NPFFR1: variants seen among roughly 807,000 people sequenced by gnomAD.
NPFFR1 encodes G-protein coupled receptor 147.
A neutral mutation model predicts 12.7 loss-of-function variants in NPFFR1; 17 were observed. That is an observed-to-expected ratio of 1.34 (90% CI 0.92 to 2.01). The LOEUF (loss-of-function observed/expected upper bound fraction) is 2.01. Among genes scored for constraint, NPFFR1 ranks in the 30% most tolerant of loss-of-function variants. The pLI is 0.00. For missense variants in NPFFR1, 604 were observed against 606.5 expected (o/e 1.00, Z 0.04); for synonymous variants, 296 against 264.5 (o/e 1.12, Z -1.16).
intron 1 of NPFFR1, among the ~76,000 whole-genome samples, chr10:70,274,153 A>G (rs1027031730): frequency 5.3e-5 from 8 of 152,188 alleles, no homozygotes; most frequent in Admixed American, 2.6e-4. Flanking sequence ...CTGACTGCAT[A>G]TAACAGAGGT....
chr10:70,270,612 C>G (rs1449682954), intron 1 of NPFFR1, among the ~76,000 whole-genome samples: 2 of 152,188 alleles, frequency 1.3e-5, no homozygotes, highest in Non-Finnish European at 2.9e-5. Flanking sequence ...TAGACAGGGC[C>G]CAGATTCCAG....
In NPFFR1 at chr10:70,268,209, A is replaced by G. The variant is rs190724204; in HGVS notation, c.8-1818T>C. On this transcript the variant is annotated intron_variant, in intron 1 of 3. Transcript: ENST00000277942. ...GATTATTTTGAAGTAAATACCAGAC[A>G]TTACTTCCTTTCATCCATAAATGTT... Among the ~76,000 whole-genome samples the G allele has an allele frequency of 1.7e-3, 260 of 152,290 alleles. 4 individuals carry two copies. The highest frequency in any genetic ancestry group is 3.3e-3 in the Admixed American group (51 of 15,298).
At chr10:70,263,244 T>G (rs546057224) in intron 2 of NPFFR1, among the ~76,000 whole-genome samples, 9 of 152,202 alleles carry the variant, frequency 5.9e-5, no homozygotes, top group Non-Finnish European at 1.3e-4. Flanking sequence ...TAATGTATGT[T>G]AAATTATATA....
intron 3 of NPFFR1, among the ~76,000 whole-genome samples, chr10:70,256,841 G>A (rs1361736889): frequency 6.6e-6 from 1 of 152,200 alleles, no homozygotes; most frequent in African/African-American, 2.4e-5. Flanking sequence ...AACCCTCCAT[G>A]TGCATGAGAC....
chr10:70,264,183 G>T (rs141755209), intron 2 of NPFFR1, among the ~76,000 whole-genome samples: 1,849 of 152,146 alleles, frequency 0.012, 42 homozygotes, highest in African/African-American at 0.035. Context: ...AAACCAGACT[G>T]GCTAACATGG....
In NPFFR1 at chr10:70,253,306, C is replaced by T. The variant is rs373891632; in HGVS notation, c.*1651G>A. On this transcript the variant is annotated 3_prime_UTR_variant, in exon 4 of 4. Coordinates refer to ENST00000277942, the MANE Select transcript of NPFFR1 (RefSeq NM_022146.5). ...CACCAGGAGTGGGCATTCTGGTTCA[C>T]TGTTAGGCAAAAAAGCCTTTGGGGA... 9.2e-5 allele frequency: 14 copies of T among 152,242 alleles called. No homozygotes were observed. The East Asian group carries it at 1.2e-3, about 13-fold the overall frequency. 9.4% of individuals were successfully genotyped at this position (152,242 alleles called of 1,614,324 possible).
chr10:70,261,942 G>A (rs1317308220), intron 2 of NPFFR1, among the ~76,000 whole-genome samples: 1 of 152,112 alleles, frequency 6.6e-6, no homozygotes, highest in African/African-American at 2.4e-5. Flanking sequence ...TTTGCAAAAA[G>A]CAAAGTATAA....
At chr10:70,276,106 C>A (rs767845655) in intron 1 of NPFFR1, among the ~76,000 whole-genome samples, 1 of 152,154 alleles carries the variant, frequency 6.6e-6, no homozygotes, top group African/African-American at 2.4e-5. Context: ...AATTAGGGAT[C>A]CTTGATTTGG....
chr10:70,283,364 T>TCA (rs1274789661), intron 1 of NPFFR1, among the ~76,000 whole-genome samples: 2 of 151,148 alleles, frequency 1.3e-5, no homozygotes, highest in Admixed American at 6.6e-5. Context: ...TCTCTCTCTT[T>TCA]CACACACACA....
At chr10:70,258,106 C>T (rs7094444) in intron 3 of NPFFR1, among the ~76,000 whole-genome samples, 2,336 of 152,256 alleles carry the variant, frequency 0.015, 65 homozygotes, top group African/African-American at 0.054. Flanking sequence ...CACCGGTCAC[C>T]TGGGCCCACT....
rs537213313 is a variant in NPFFR1 at position 70,249,463 on chromosome 10, G to A, written c.*5494C>T. ...AGTTAGGGCAAGTTTTTGTGCTAAA[G>A]TCTCTACAATAAAATATTATTATTA... On this transcript the variant is annotated 3_prime_UTR_variant, in exon 4 of 4. Coordinates refer to ENST00000277942, the MANE Select transcript of NPFFR1 (RefSeq NM_022146.5). The A allele has an allele frequency of 2.0e-5, 3 of 151,380 alleles. No individual in the cohort carries two copies. The highest frequency in any genetic ancestry group is 7.3e-5 in the African/African-American group (3 of 41,316). The allele number at this position is 151,380 out of a possible 1,614,324, so 9.4% of individuals were successfully genotyped here.
At chr10:70,283,207 TTC>T (rs534450457) in intron 1 of NPFFR1, among the ~76,000 whole-genome samples, 2 of 112,610 alleles carry the variant, frequency 1.8e-5, no homozygotes, top group African/African-American at 3.4e-5. Flanking sequence ...CCCCAGGTCT[TTC>T]TCTCTCTCTC....
At chr10:70,277,870 C>T (rs978108677) in intron 1 of NPFFR1, 5 of 493,328 alleles carry the variant, frequency 1.0e-5, no homozygotes, top group Non-Finnish European at 2.0e-5. Context: ...GGGTTACTGC[C>T]CGGCTAACCA....
At chr10:70,277,698 G>A (rs1041686408) in intron 1 of NPFFR1, among the ~76,000 whole-genome samples, 1 of 152,212 alleles carries the variant, frequency 6.6e-6, no homozygotes, top group African/African-American at 2.4e-5. Flanking sequence ...CTTCTGGGAT[G>A]GGTAGGCAGC....
In NPFFR1 at chr10:70,252,672, G is replaced by T. The variant is rs1311018150; in HGVS notation, c.*2285C>A. On this transcript the variant is annotated 3_prime_UTR_variant, in exon 4 of 4. Transcript: ENST00000277942. ...ATAGCCTCTGATTGATTTTTTAGAAGAAACAAAAATAACAGCAAAATATGT... is the reference window on the plus strand; with the variant it reads ...ATAGCCTCTGATTGATTTTTTAGAATAAACAAAAATAACAGCAAAATATGT... The T allele has an allele frequency of 6.6e-6, 1 of 152,126 alleles. No individual in the cohort carries two copies. The highest frequency in any genetic ancestry group is 1.5e-5 in the Non-Finnish European group (1 of 68,010). The allele number at this position is 152,126 out of a possible 1,614,324, so 9.4% of individuals were successfully genotyped here.
At chr10:70,259,092 G>A (rs1001445286) in intron 3 of NPFFR1, among the ~76,000 whole-genome samples, 1 of 152,096 alleles carries the variant, frequency 6.6e-6, no homozygotes, top group African/African-American at 2.4e-5. Context: ...TTCGAGACCA[G>A]CCTGGCCAAC....
chr10:70,279,232 C>T (rs181745263), intron 1 of NPFFR1, among the ~76,000 whole-genome samples: 10 of 152,202 alleles, frequency 6.6e-5, no homozygotes, highest in African/African-American at 1.7e-4. Context: ...CTGCAACCTC[C>T]GCCTCCCAGG....
intron 1 of NPFFR1, among the ~76,000 whole-genome samples, chr10:70,267,147 C>T (rs938050521): frequency 2.0e-5 from 3 of 152,174 alleles, no homozygotes; most frequent in African/African-American, 7.2e-5. Flanking sequence ...CCTTCATCTC[C>T]TCCATGGAAC....
rs1840485859 is a variant in NPFFR1, at chr10:70,249,329, G to C, written c.*5628C>G. 6.6e-6 allele frequency: 1 copy of C among 150,908 alleles called. No homozygotes were observed. Among genetic ancestry groups the C allele is most frequent in the African/African-American group, 2.4e-5 (1 of 41,014 alleles). The allele number at this position is 150,908 out of a possible 1,614,324, so 9.3% of individuals were successfully genotyped here. A position where few individuals can be genotyped will look rare whatever the true frequency, so the allele number is the denominator to read the frequency against. ...CAGGAGAATCGCTTGAACCTAGGAGGCAAAGGTTGCAGTGAGCCAAAATCA... is the reference window on the plus strand; with the variant it reads ...CAGGAGAATCGCTTGAACCTAGGAGCCAAAGGTTGCAGTGAGCCAAAATCA... On this transcript the variant is annotated 3_prime_UTR_variant, in exon 4 of 4. Transcript: ENST00000277942.
Sources: gnomAD v4.1 joint callset for allele counts (sites outside exome capture counted in the v4.1 genomes callset) on GRCh38, gnomAD v4.1.1 for gene constraint, MANE v1.5 for transcripts, NCBI Gene and HGNC (gene_info 2026-07-23, HGNC 2026-07-21) for gene names.